Variants in CHODL observed in about 807,000 individuals in gnomAD.
CHODL encodes chondrolectin, also known as transmembrane protein MT75.
In CHODL, 29 loss-of-function variants were observed where a neutral mutation model predicts 34.5. That is an observed-to-expected ratio of 0.84 (90% CI 0.63 to 1.15). The LOEUF is 1.15. Among genes scored for constraint, CHODL ranks in the 50% most tolerant of loss-of-function variants. CHODL has a pLI of 0.00. For missense variants in CHODL, 332 were observed against 332.5 expected (o/e 1.00, Z 0.01); for synonymous variants, 125 against 116.1 (o/e 1.08, Z -0.49).
rs186374883 is a variant in CHODL, at chr21:18,074,438, G to A, written c.-45+46467G>A. ...AGAACATTACACAGGCTTTATGTAA[G>A]TTTCTTTTGAAGACAAAGTAGTAAT... On this transcript the variant is annotated intron_variant, in intron 2 of 6. Coordinates refer to the CHODL transcript ENST00000400127. Among the ~76,000 whole-genome samples, 8 of 152,238 alleles carry A rather than the reference G, an allele frequency of 5.3e-5. No homozygotes were observed. The East Asian group carries it at 7.7e-4, about 15-fold the overall frequency.
intron 2 of CHODL, among the ~76,000 whole-genome samples, chr21:18,094,454 T>C (rs2065113490): frequency 6.6e-6 from 1 of 152,128 alleles, no homozygotes; most frequent in Non-Finnish European, 1.5e-5. Flanking sequence ...GGATAAACCA[T>C]ATGTTAGGTC....
At chr21:17,992,927 A>G (rs923252713) in intron 1 of CHODL, among the ~76,000 whole-genome samples, 14 of 152,110 alleles carry the variant, frequency 9.2e-5, no homozygotes, top group African/African-American at 3.1e-4. Context: ...TCCTGGGACC[A>G]CAGGTGTGAG....
chr21:18,000,384 C>A (rs1243902244), intron 1 of CHODL, among the ~76,000 whole-genome samples: 1 of 152,122 alleles, frequency 6.6e-6, no homozygotes, highest in Non-Finnish European at 1.5e-5. Flanking sequence ...TATGATAACA[C>A]TTTAATGGTG....
At chr21:18,098,768 T>C (rs2065172940) in intron 2 of CHODL, among the ~76,000 whole-genome samples, 1 of 152,156 alleles carries the variant, frequency 6.6e-6, no homozygotes, top group Non-Finnish European at 1.5e-5. Flanking sequence ...AAGAGATATT[T>C]GTATTCCCAT....
chr21:18,134,028 T>C (rs1347991388), intron 2 of CHODL, among the ~76,000 whole-genome samples: 1 of 152,216 alleles, frequency 6.6e-6, no homozygotes, highest in East Asian at 1.9e-4. Context: ...TCTAGAGATA[T>C]ATCTGAGCAA....
At chr21:18,014,199 A>T (rs2064048880) in intron 1 of CHODL, among the ~76,000 whole-genome samples, 1 of 152,096 alleles carries the variant, frequency 6.6e-6, no homozygotes, top group Non-Finnish European at 1.5e-5. Flanking sequence ...TCAACAGGAG[A>T]TTGTATATCA....
chr21:18,224,104 T>C (rs1160346768), intron 2 of CHODL, among the ~76,000 whole-genome samples: 1 of 152,138 alleles, frequency 6.6e-6, no homozygotes, highest in Non-Finnish European at 1.5e-5. Flanking sequence ...CTCTGAATAC[T>C]GATTTGTACT....
chr21:18,245,128 G>A lies in CHODL; in HGVS notation c.-96G>A, dbSNP rs1261667135. Reference sequence around the variant, plus strand: ...GGGCGGCGGGAGTAGGGCCCGGCAGGGAGGCAGGGAGGCTGCAGAGTCAGA... The same window carrying A: ...GGGCGGCGGGAGTAGGGCCCGGCAGAGAGGCAGGGAGGCTGCAGAGTCAGA... On this transcript the variant is annotated 5_prime_UTR_variant, in exon 1 of 6. Coordinates refer to ENST00000299295, the MANE Select transcript of CHODL (RefSeq NM_024944.3). 3 of 1,079,970 alleles carry A rather than the reference G, an allele frequency of 2.8e-6. No homozygotes were observed. Among genetic ancestry groups the A allele is most frequent in the African/African-American group, 3.3e-5 (2 of 60,266 alleles). 66.9% of individuals were successfully genotyped at this position (1,079,970 alleles called of 1,614,324 possible). A position where few individuals can be genotyped will look rare whatever the true frequency, so the allele number is the denominator to read the frequency against.
chr21:17,942,155 C>A (rs1241821059), intron 1 of CHODL, among the ~76,000 whole-genome samples: 1 of 152,122 alleles, frequency 6.6e-6, no homozygotes, highest in African/African-American at 2.4e-5. Context: ...AAGAAACCCT[C>A]ATGACCATAA....
chr21:18,229,760 G>A (rs778232203), intron 2 of CHODL, among the ~76,000 whole-genome samples: 19 of 151,940 alleles, frequency 1.3e-4, no homozygotes, highest in Non-Finnish European at 1.8e-4. Context: ...CAAACAACAC[G>A]TCCATCCCCT....
chr21:18,110,906 G>T (rs968413650), intron 2 of CHODL, among the ~76,000 whole-genome samples: 1 of 151,856 alleles, frequency 6.6e-6, no homozygotes, highest in South Asian at 2.1e-4. Flanking sequence ...CTTTGTTAGG[G>T]TTTATTCTTC....
intron 2 of CHODL, among the ~76,000 whole-genome samples, chr21:18,073,718 G>A (rs158026): frequency 0.38 from 57,320 of 151,684 alleles, 12,447 homozygotes; most frequent in East Asian, 0.95. Flanking sequence ...AGAATAAAAA[G>A]ATTAGCTTTA....
intron 1 of CHODL, among the ~76,000 whole-genome samples, chr21:17,945,225 A>T (rs2063397132): frequency 6.6e-6 from 1 of 151,260 alleles, no homozygotes; most frequent in Non-Finnish European, 1.5e-5. Flanking sequence ...AAAAAAAAAA[A>T]TTACTAAAGC....
intron 2 of CHODL, among the ~76,000 whole-genome samples, chr21:18,079,119 T>G (rs1339135839): frequency 1.3e-5 from 2 of 152,118 alleles, no homozygotes; most frequent in African/African-American, 4.8e-5. Flanking sequence ...ATTTTAACCC[T>G]CATTTCCCTC....
intron 2 of CHODL, among the ~76,000 whole-genome samples, chr21:18,117,441 G>C (rs543914586): frequency 6.6e-6 from 1 of 152,332 alleles, no homozygotes; most frequent in South Asian, 2.1e-4. Context: ...CTGACTGAAA[G>C]TTCACAGTTC....
At chr21:18,113,234 G>A (rs906140883) in intron 2 of CHODL, among the ~76,000 whole-genome samples, 1 of 152,140 alleles carries the variant, frequency 6.6e-6, no homozygotes, top group Non-Finnish European at 1.5e-5. Context: ...TCTCACCTCA[G>A]TTATAAAAGA....
At chr21:18,098,520 A>G (rs1251488394) in intron 2 of CHODL, among the ~76,000 whole-genome samples, 3 of 152,148 alleles carry the variant, frequency 2.0e-5, no homozygotes, top group Admixed American at 1.3e-4. Flanking sequence ...AATCAAAACT[A>G]CAATGAGACA....
At chr21:17,942,180 T>A (rs2063370030) in intron 1 of CHODL, among the ~76,000 whole-genome samples, 1 of 152,190 alleles carries the variant, frequency 6.6e-6, no homozygotes, top group Admixed American at 6.5e-5. Flanking sequence ...TAAGATAATT[T>A]GTTTGGAAAC....
At chr21:18,078,151 A>G (rs140160886) in intron 2 of CHODL, among the ~76,000 whole-genome samples, 3 of 152,310 alleles carry the variant, frequency 2.0e-5, no homozygotes, top group Admixed American at 1.3e-4. Context: ...CTGCTAATAA[A>G]GACATACCCA....
Sources: allele counts gnomAD v4.1 joint callset (sites outside exome capture counted in the v4.1 genomes callset), GRCh38; gene constraint gnomAD v4.1.1; transcripts MANE v1.5; gene names NCBI Gene and HGNC (gene_info 2026-07-23, HGNC 2026-07-21).